The following AQP10 variants were observed in gnomAD, a reference collection of about 807,000 sequenced individuals.
AQP10 encodes aquaporin-10.
A neutral mutation model predicts 21.0 loss-of-function variants in AQP10; 15 were observed. The ratio of observed to expected loss-of-function variants is 0.71; its 90% confidence interval spans 0.48 to 1.10. AQP10 has a LOEUF of 1.10. AQP10 is among the 50% of genes least tolerant of loss of function. The probability of loss-of-function intolerance (pLI) is 0.00; values close to 1 mark genes in which losing one functional copy is unlikely to be tolerated. For synonymous variants in AQP10, 143 were observed against 155.7 expected, an observed-to-expected ratio of 0.92 and a Z score of 0.61; for missense variants, 268 against 379.5, an observed-to-expected ratio of 0.71 and a Z score of 2.44.
rs1054136781 is a variant in AQP10 at position 154,324,771 on chromosome 1, C to G, written c.*291C>G. 7.2e-6 allele frequency: 2 copies of G among 278,142 alleles called. No individual in the cohort carries two copies. Among genetic ancestry groups the G allele is most frequent in the Non-Finnish European group, 1.4e-5 (2 of 146,090 alleles). 17.2% of individuals were successfully genotyped at this position (278,142 alleles called of 1,614,324 possible). A position where few individuals can be genotyped will look rare whatever the true frequency, so the allele number is the denominator to read the frequency against. ...GAGGTAACCGCTAGAGGGTGCGCAC[C>G]TGGATGCTGGATGGGGACGGCTGCG... On this transcript the variant is annotated 3_prime_UTR_variant, in exon 6 of 6. Transcript: ENST00000324978.
rs1181555447 is a variant in AQP10 at position 154,321,121 on chromosome 1, G to A, written c.-35G>A. On this transcript the variant is annotated 5_prime_UTR_variant, in exon 1 of 6. Transcript: ENST00000324978. ...CAGTGACAGTGTGCCTATGCAGACA[G>A]AGGGAGCAGTGAATAGCAATAGGGT... 2 of 1,560,908 alleles carry A rather than the reference G, an allele frequency of 1.3e-6. No individual in the cohort carries two copies. Among genetic ancestry groups the A allele is most frequent in the Admixed American group, 3.4e-5 (2 of 58,220 alleles).
rs1685681830 is a variant in AQP10, at chr1:154,322,966, T to C, written c.233-16T>C. On this transcript the variant is annotated splice_polypyrimidine_tract_variant and intron_variant, in intron 2 of 5. Transcript: ENST00000324978. ...ACACTTAATAGATGCTCTTTTTCTT[T>C]CCTTGATACTTGAAGGGGCCCACCT... 2 of 1,614,148 alleles carry C rather than the reference T, an allele frequency of 1.2e-6. No homozygotes were observed. The highest frequency in any genetic ancestry group is 8.5e-7 in the Non-Finnish European group (1 of 1,180,014).
In AQP10 at chr1:154,324,529, C is replaced by A. The variant is rs1484213851; in HGVS notation, c.*49C>A. 1.9e-6 allele frequency: 3 copies of A among 1,565,840 alleles called. No individual in the cohort carries two copies. Among genetic ancestry groups the A allele is most frequent in the Non-Finnish European group, 2.6e-6 (3 of 1,147,932 alleles). On this transcript the variant is annotated 3_prime_UTR_variant, in exon 6 of 6. Coordinates refer to ENST00000324978, the MANE Select transcript of AQP10 (RefSeq NM_080429.3). ...ATGGACCCTGGAGCCAGCCACTGAC[C>A]CCGCCTGGGAACAACAGTCATTCTT...
At position 154,323,028 on chromosome 1, in the gene AQP10, A is replaced by T. The variant is rs772233467; in HGVS notation, c.279A>T (p.Gly93=). 30 of 1,613,820 alleles carry T rather than the reference A, an allele frequency of 1.9e-5. No individual in the cohort carries two copies. Among genetic ancestry groups the T allele is most frequent in the Non-Finnish European group, 2.4e-5 (28 of 1,179,990 alleles). ...TCTCCCTGGCCATGTGCATCGTTGG[A>T]CGCCTCCCCTGGGTCAAGCTCCCCA... ...PAFSLAMCIV[G]RLPWVKLPIY... is the part of the protein sequence containing the mutation. The change falls in exon 3 of 6, where the codon GGA becomes GGT. Residue 93 remains glycine, a synonymous_variant. Transcript: ENST00000324978. This position sits in a 1 kb window ranked among gnomAD's most constrained non-coding sequence, Gnocchi z 4.5.
At position 154,323,921 on chromosome 1, in the gene AQP10, G is replaced by A; in HGVS notation, c.707+115G>A. 6.7e-7 allele frequency: 1 copy of A among 1,501,162 alleles called. No homozygotes were observed. Among genetic ancestry groups the A allele is most frequent in the Non-Finnish European group, 8.9e-7 (1 of 1,120,882 alleles). The allele number at this position is 1,501,162 out of a possible 1,614,324, so 93.0% of individuals were successfully genotyped here. ...ATAGCTCTCTTGGCTTCTTAGGACA[G>A]TGTTCTTTCTCCAAGTCATATTCTC... On this transcript the variant is annotated intron_variant, in intron 5 of 5. Coordinates refer to ENST00000324978, the MANE Select transcript of AQP10 (RefSeq NM_080429.3). This position sits in a 1 kb window ranked among gnomAD's most constrained non-coding sequence, Gnocchi z 4.5.
At chr1:154,324,174 A>C in intron 5 of AQP10, 108 bp from the exon 6 acceptor site, 1 of 1,199,234 alleles carries the variant, frequency 8.3e-7, no homozygotes, top group South Asian at 1.6e-5. Context: ...GGTGTCTACC[A>C]CCCTGGGAAC....
At position 154,323,122 on chromosome 1, in the gene AQP10, G is replaced by A. The variant is rs746145344; in HGVS notation, c.370+3G>A. 7 of 1,614,192 alleles carry A rather than the reference G, an allele frequency of 4.3e-6. No individual in the cohort carries two copies. Among genetic ancestry groups the A allele is most frequent in the Non-Finnish European group, 5.9e-6 (7 of 1,180,046 alleles). ...AGCCACCTATGTTCTCTACCATGGT[G>A]ACAGAGGGAACAGAGGGAGCTGTGC... On this transcript the variant is annotated splice_donor_region_variant and intron_variant, in intron 3 of 5. Coordinates refer to ENST00000324978, the MANE Select transcript of AQP10 (RefSeq NM_080429.3). This position sits in a 1 kb window ranked among gnomAD's most constrained non-coding sequence, Gnocchi z 4.5.
rs753161641 is a variant in AQP10 at position 154,323,251 on chromosome 1, G to A, written c.381G>A (p.Gln127=). 4.3e-6 allele frequency: 7 copies of A among 1,614,166 alleles called. No homozygotes were observed. The highest frequency in any genetic ancestry group is 1.7e-5 in the Admixed American group (1 of 60,026). The change falls in exon 4 of 6, where the codon CAG becomes CAA. Residue 127 remains glutamine (Q), a synonymous_variant. Transcript: ENST00000324978. The surrounding 1 kb of genome is among the most constrained non-coding windows in gnomAD (Gnocchi z 4.5). ...ATYVLYHDAL[Q]NYTGGNLTVT... is the part of the protein sequence containing the mutation. ...TCCCTTCCTCCACAGATGCCCTACA[G>A]AACTATACAGGTGGGAACCTGACAG...
In AQP10 at chr1:154,323,326, CT is replaced by C. The variant is rs1254016333; in HGVS notation, c.457del (p.Tyr153IlefsTer4). ...ASIFATYPAP[Y>X]LSLNNGFLDQ... ...CCATTTTTGCCACCTATCCTGCCCC[CT>C]ATCTGTCCCTGAACAATGGCTTCCT... On this transcript the variant is annotated frameshift_variant, in exon 4 of 6. Coordinates refer to ENST00000324978, the MANE Select transcript of AQP10 (RefSeq NM_080429.3). LOFTEE classifies it high-confidence loss of function. This position sits in a 1 kb window ranked among gnomAD's most constrained non-coding sequence, Gnocchi z 4.5. The C allele has an allele frequency of 1.9e-6, 3 of 1,614,070 alleles. No homozygotes were observed. In the Admixed American group the frequency reaches 5.0e-5, roughly 27 times the overall value.
chr1:154,322,155 G>T, intron 2 of AQP10, 96 bp downstream of exon 2: 1 of 1,529,680 alleles, frequency 6.5e-7, no homozygotes, highest in Non-Finnish European at 8.8e-7. Flanking sequence ...TCTGTGACTC[G>T]TGGACATTAT....
Position 154,323,835 on chromosome 1 carries a change from C to T in AQP10, c.707+29C>T. ...GGAGACAGACTCTCCTGGTGCTGGC[C>T]TCCACTCACCTTCCTCTGCTAAGGG... On this transcript the variant is annotated intron_variant, in intron 5 of 5. Transcript: ENST00000324978. This position sits in a 1 kb window ranked among gnomAD's most constrained non-coding sequence, Gnocchi z 4.5. 1 of 1,609,416 alleles carries T rather than the reference C, an allele frequency of 6.2e-7. No individual in the cohort carries two copies. Among genetic ancestry groups the T allele is most frequent in the Non-Finnish European group, 8.5e-7 (1 of 1,177,836 alleles).
Position 154,323,760 on chromosome 1 carries a change from C to T in AQP10, c.661C>T (p.Pro221Ser), listed in dbSNP as rs372825269. 2 of 1,614,066 alleles carry T rather than the reference C, an allele frequency of 1.2e-6. No individual in the cohort carries two copies. Among genetic ancestry groups the T allele is most frequent in the Non-Finnish European group, 1.7e-6 (2 of 1,180,040 alleles). The change falls in exon 5 of 6, where the codon CCA becomes TCA. Residue 221 changes from proline (P) to serine (S), a missense_variant. Pro to Ser is a moderately conservative substitution (Grantham distance 74). Coordinates refer to ENST00000324978, the MANE Select transcript of AQP10 (RefSeq NM_080429.3). The surrounding 1 kb of genome is among the most constrained non-coding windows in gnomAD (Gnocchi z 4.5). ...IPLNPARDLGPRLFTYVAGWG... is the reference protein window; with the variant it reads ...IPLNPARDLGSRLFTYVAGWG... Reference sequence around the variant, plus strand: ...ACTCAACCCTGCCCGGGACCTGGGCCCACGTCTCTTCACCTACGTGGCTGG... The same window carrying T: ...ACTCAACCCTGCCCGGGACCTGGGCTCACGTCTCTTCACCTACGTGGCTGG...
rs1335344082 is a variant in AQP10, at chr1:154,324,500, A to C, written c.*20A>C. 2 of 1,604,242 alleles carry C rather than the reference A, an allele frequency of 1.2e-6. No homozygotes were observed. The highest frequency in any genetic ancestry group is 2.2e-5 in the South Asian group (2 of 90,052). ...CTATGATTAGGACAACCCTCACTTC[A>C]CTCATGGACCCTGGAGCCAGCCACT... On this transcript the variant is annotated 3_prime_UTR_variant, in exon 6 of 6. Transcript: ENST00000324978.
rs1408070536 is a variant in AQP10, at chr1:154,321,145, G to T, written c.-11G>T. ...AGAGGGAGCAGTGAATAGCAATAGG[G>T]TGTTTCCACCATGGTCTTCACTCAG... On this transcript the variant is annotated 5_prime_UTR_variant, in exon 1 of 6. Coordinates refer to ENST00000324978, the MANE Select transcript of AQP10 (RefSeq NM_080429.3). 9 of 1,609,990 alleles carry T rather than the reference G, an allele frequency of 5.6e-6. No homozygotes were observed. The highest frequency in any genetic ancestry group is 7.6e-6 in the Non-Finnish European group (9 of 1,177,192).
intron 2 of AQP10, 23 bp downstream of exon 2, chr1:154,322,082 A>T: frequency 1.2e-6 from 2 of 1,613,014 alleles, no homozygotes; most frequent in Middle Eastern, 1.7e-4. Flanking sequence ...GGGTCTGGTC[A>T]TCAGAGCACG....
Position 154,323,556 on chromosome 1 carries a change from G to T in AQP10, c.490-33G>T. On this transcript the variant is annotated intron_variant, in intron 4 of 5. Coordinates refer to ENST00000324978, the MANE Select transcript of AQP10 (RefSeq NM_080429.3). This position sits in a 1 kb window ranked among gnomAD's most constrained non-coding sequence, Gnocchi z 4.5. ...AGGGCAGATGGAGCACCTGGCAGCT[G>T]ACAGGGAACCCTCTGCCTCTGTTGA... is the stretch of plus-strand genomic sequence containing the variant. The T allele has an allele frequency of 1.9e-6, 3 of 1,599,132 alleles. No homozygotes were observed. The highest frequency in any genetic ancestry group is 1.7e-6 in the Non-Finnish European group (2 of 1,169,034).
At position 154,323,438 on chromosome 1, in the gene AQP10, T is replaced by C. The variant is rs993211564; in HGVS notation, c.489+79T>C. 2.0e-6 allele frequency: 3 copies of C among 1,526,922 alleles called. No individual in the cohort carries two copies. The African/African-American group carries it at 4.1e-5, about 21-fold the overall frequency. 94.6% of individuals were successfully genotyped at this position (1,526,922 alleles called of 1,614,324 possible). On this transcript the variant is annotated intron_variant, in intron 4 of 5. Coordinates refer to ENST00000324978, the MANE Select transcript of AQP10 (RefSeq NM_080429.3). The surrounding 1 kb of genome is among the most constrained non-coding windows in gnomAD (Gnocchi z 4.5). ...CCCAGCCTATTGTTCAGTCTCTGGG[T>C]GGAGTGTGGGTTGGGTCTATCTTGG...
Position 154,323,325 on chromosome 1 carries a change from C to G in AQP10, c.455C>G (p.Pro152Arg), listed in dbSNP as rs1014428988. 3.1e-6 allele frequency: 5 copies of G among 1,614,044 alleles called. No homozygotes were observed. In the African/African-American group the frequency reaches 5.3e-5, roughly 17 times the overall value. The part of the protein sequence containing the change: ...TASIFATYPA[P>R]YLSLNNGFLD... ...TCCATTTTTGCCACCTATCCTGCCCCCTATCTGTCCCTGAACAATGGCTTC... is the reference window on the plus strand; with the variant it reads ...TCCATTTTTGCCACCTATCCTGCCCGCTATCTGTCCCTGAACAATGGCTTC... The change falls in exon 4 of 6, where the codon CCC (proline) becomes CGC (arginine). Residue 152 changes from proline (P) to arginine (R), a missense_variant. Physicochemically the swap from Pro to Arg is moderately radical, Grantham distance 103. Coordinates refer to ENST00000324978, the MANE Select transcript of AQP10 (RefSeq NM_080429.3). The surrounding 1 kb of genome is among the most constrained non-coding windows in gnomAD (Gnocchi z 4.5).
intron 5 of AQP10, 107 bp from the exon 6 acceptor site, chr1:154,324,175 C>T (rs1210859736): frequency 1.1e-5 from 13 of 1,207,258 alleles, no homozygotes; most frequent in Non-Finnish European, 2.3e-6. Context: ...GTGTCTACCA[C>T]CCTGGGAACA....
Sources: allele counts gnomAD v4.1 joint callset, GRCh38; gene constraint gnomAD v4.1.1; non-coding constraint Gnocchi (gnomAD v3.1); transcripts MANE v1.5; gene names NCBI Gene and HGNC (gene_info 2026-07-23, HGNC 2026-07-21).